Variants in WWC1 observed in about 807,000 individuals in gnomAD.
WWC1 encodes the protein protein KIBRA.
WWC1 carries 55 observed loss-of-function variants against 138.4 expected under a neutral mutation model. The ratio of observed to expected loss-of-function variants is 0.40; its 90% CI spans 0.32 to 0.50. The LOEUF (loss-of-function observed/expected upper bound fraction) is 0.50. WWC1 is among the 20% of genes least tolerant of loss of function. WWC1 has a pLI of 0.72. For missense variants in WWC1, 1,226 were observed against 1,420.4 expected, an observed-to-expected ratio of 0.86 and a Z score of 2.20; for synonymous variants, 524 against 564.9, an observed-to-expected ratio of 0.93 and a Z score of 1.03.
rs538374041 is a variant in WWC1 at position 168,347,925 on chromosome 5, C to A, written c.120-23499C>A. Among the ~76,000 whole-genome samples, 645 of 152,282 alleles carry A rather than the reference C, an allele frequency of 4.2e-3. 1 individual carries two copies. Among genetic ancestry groups the A allele is most frequent in the Admixed American group, 6.1e-3 (94 of 15,296 alleles). ...ATTGTGAAGAGCTGGGAAGGAGAAG[C>A]AGATGGGCTGTGGGCTTATCAAGCT... On this transcript the variant is annotated intron_variant, in intron 1 of 22. Coordinates refer to ENST00000265293, the MANE Select transcript of WWC1 (RefSeq NM_015238.3).
Position 168,291,753 on chromosome 5 carries a change from C to G in WWC1, c.-400C>G, listed in dbSNP as rs1429807284. ...GTGGAGCGGAGAGGAGGGACGGCAC[C>G]CGGCTGCAGGGAGGAGGGAGGCGGC... On this transcript the variant is annotated 5_prime_UTR_variant, in exon 1 of 23. Transcript: ENST00000265293. 6.5e-6 allele frequency: 1 copy of G among 153,118 alleles called. No homozygotes were observed. The highest frequency in any genetic ancestry group is 1.9e-4 in the East Asian group (1 of 5,220). 9.5% of individuals were successfully genotyped at this position (153,118 alleles called of 1,614,324 possible).
chr5:168,354,299 C>A (rs1225345404), intron 1 of WWC1, among the ~76,000 whole-genome samples: 2 of 152,160 alleles, frequency 1.3e-5, no homozygotes, highest in Non-Finnish European at 2.9e-5. Context: ...GATCCGCCCC[C>A]CTCGGCCTCC....
chr5:168,428,239 C>A, intron 12 of WWC1, 98 bp downstream of exon 12: 1 of 1,266,816 alleles, frequency 7.9e-7, no homozygotes, highest in East Asian at 2.6e-5. Flanking sequence ...TTTTGGCCCC[C>A]ACAGTGTGTG....
intron 1 of WWC1, among the ~76,000 whole-genome samples, chr5:168,318,970 T>C (rs1252921892): frequency 6.6e-6 from 1 of 152,230 alleles, no homozygotes; most frequent in Non-Finnish European, 1.5e-5. Context: ...TGTACGTACA[T>C]ATGTGAGATG....
Position 168,397,768 on chromosome 5 carries a change from C to A in WWC1, c.478C>A (p.Leu160Met). The A allele has an allele frequency of 6.2e-7, 1 of 1,614,022 alleles. No homozygotes were observed. The highest frequency in any genetic ancestry group is 8.5e-7 in the Non-Finnish European group (1 of 1,179,956). ...SSSSKYDPEI[L>M]KAEIATAKSR... is the part of the protein sequence containing the mutation. ...CAGCTCCAAGTATGACCCTGAGATC[C>A]TGAAAGCTGAAATTGCCACTGCAAA... The change falls in exon 4 of 23, where the codon CTG becomes ATG. Residue 160 changes from leucine to methionine, a missense_variant. Transcript: ENST00000265293.
chr5:168,414,887 T>G, intron 9 of WWC1: 1 of 332,726 alleles, frequency 3.0e-6, no homozygotes, highest in Non-Finnish European at 5.4e-6. Flanking sequence ...CTATATAACT[T>G]AAAGCAGTCA....
rs1582283489 is a variant in WWC1, at chr5:168,433,796, C to T, written c.2280+2352C>T. On this transcript the variant is annotated intron_variant, in intron 15 of 22. Coordinates refer to ENST00000265293, the MANE Select transcript of WWC1 (RefSeq NM_015238.3). ...CAAGTGATCCGCCTGTCTCCACCTC[C>T]CAAAGTTCTGGGATTACAGGTGTGA... Among the ~76,000 whole-genome samples, 4 of 152,326 alleles carry T rather than the reference C, an allele frequency of 2.6e-5. No individual in the cohort carries two copies. The South Asian group carries it at 8.3e-4, about 32-fold the overall frequency.
intron 9 of WWC1, among the ~76,000 whole-genome samples, chr5:168,418,608 A>C (rs1780843472): frequency 6.6e-6 from 1 of 152,116 alleles, no homozygotes; most frequent in Admixed American, 6.5e-5. Context: ...AGCAGTAGCT[A>C]GCCCCTAATG....
At chr5:168,426,053 C>T (rs1781478700) in intron 11 of WWC1, among the ~76,000 whole-genome samples, 1 of 152,172 alleles carries the variant, frequency 6.6e-6, no homozygotes, top group African/African-American at 2.4e-5. Flanking sequence ...AGTGGTGCTG[C>T]TGTGCCCAGA....
At chr5:168,358,354 C>T (rs1251151433) in intron 1 of WWC1, among the ~76,000 whole-genome samples, 1 of 152,198 alleles carries the variant, frequency 6.6e-6, no homozygotes, top group Non-Finnish European at 1.5e-5. Flanking sequence ...TGTCAGGGAA[C>T]CTGAGTGTCC....
Position 168,358,821 on chromosome 5 carries a change from C to T in WWC1, c.120-12603C>T, listed in dbSNP as rs77883674. On this transcript the variant is annotated intron_variant, in intron 1 of 22. Transcript: ENST00000265293. ...ATATGTACACATACATACATGTATA[C>T]GTACACATGTAGGAACTCCTCATCA... Among the ~76,000 whole-genome samples the T allele has an allele frequency of 7.9e-3, 1,204 of 151,760 alleles. 16 individuals are homozygous for T. The highest frequency in any genetic ancestry group is 0.027 in the African/African-American group (1,135 of 41,350).
At position 168,464,751 on chromosome 5, in the gene WWC1, G is replaced by A. The variant is rs758987247; in HGVS notation, c.2939G>A (p.Arg980His). ...MKRPSSVKSL[R>H]SERLIRTSLD... is the part of the protein sequence containing the mutation. ...CAGCCTTCCTCGGTCAAGTCGCTGCGCTCCGAGCGTCTGATCCGTACCTCG... is the reference window on the plus strand; with the variant it reads ...CAGCCTTCCTCGGTCAAGTCGCTGCACTCCGAGCGTCTGATCCGTACCTCG... The change falls in exon 21 of 23, where the codon CGC (arginine) becomes CAC (histidine). Residue 980 changes from arginine (R) to histidine (H), a missense_variant. Physicochemically the swap from Arg to His is conservative, Grantham distance 29. Around this residue, in one of 3 missense-constraint regions of WWC1, gnomAD observed 206 missense variants for 247.4 expected, o/e 0.83. Coordinates refer to ENST00000265293, the MANE Select transcript of WWC1 (RefSeq NM_015238.3). 34 of 1,614,008 alleles carry A rather than the reference G, an allele frequency of 2.1e-5. No individual in the cohort carries two copies. In the African/African-American group the frequency reaches 2.3e-4, roughly 11 times the overall value.
At chr5:168,371,395 T>C in intron 1 of WWC1, 29 bp from the exon 2 acceptor site, 4 of 1,562,676 alleles carry the variant, frequency 2.6e-6, no homozygotes, top group Non-Finnish European at 3.5e-6. Flanking sequence ...TGTAGGCTGA[T>C]GGAGTCTGTT....
At chr5:168,357,493 T>TGTGTGTGTGTGTGCGC (rs1353607261) in intron 1 of WWC1, among the ~76,000 whole-genome samples, 3 of 119,810 alleles carry the variant, frequency 2.5e-5, no homozygotes, top group African/African-American at 8.6e-5. Flanking sequence ...TGTGTGTGTG[T>TGTGTGTGTGTGTGCGC]GCGCGCGCGC....
chr5:168,469,121 C>T lies in WWC1; in HGVS notation c.*104C>T, dbSNP rs952927937. The T allele has an allele frequency of 1.8e-5, 24 of 1,367,444 alleles. No homozygotes were observed. The highest frequency in any genetic ancestry group is 3.7e-5 in the South Asian group (3 of 82,048). The allele number at this position is 1,367,444 out of a possible 1,614,324, so 84.7% of individuals were successfully genotyped here. A position where few individuals can be genotyped will look rare whatever the true frequency, so the allele number is the denominator to read the frequency against. ...ATATGAAGGTACTGAGTCACAAGTCCTCTAGTGCTCTTGTTGGTTTGAAGA... is the reference window on the plus strand; with the variant it reads ...ATATGAAGGTACTGAGTCACAAGTCTTCTAGTGCTCTTGTTGGTTTGAAGA... On this transcript the variant is annotated 3_prime_UTR_variant, in exon 23 of 23. Coordinates refer to ENST00000265293, the MANE Select transcript of WWC1 (RefSeq NM_015238.3).
intron 8 of WWC1, among the ~76,000 whole-genome samples, chr5:168,410,931 CT>C (rs1354123052): frequency 0.035 from 3,971 of 114,276 alleles, 25 homozygotes; most frequent in Middle Eastern, 0.071. Context: ...ATGATCTTTG[CT>C]TTTTTTTTTT....
intron 21 of WWC1, among the ~76,000 whole-genome samples, chr5:168,467,014 CACTTTGG>C (rs1757352889): frequency 6.6e-6 from 1 of 152,180 alleles, no homozygotes; most frequent in South Asian, 2.1e-4. Flanking sequence ...GTAATCCCAG[CACTTTGG>C]GAGGCCGAGG....
At chr5:168,458,433 G>A (rs115408814) in intron 19 of WWC1, among the ~76,000 whole-genome samples, 152 of 152,232 alleles carry the variant, frequency 1.0e-3, no homozygotes, top group Non-Finnish European at 1.9e-3. Flanking sequence ...CACAAAAGGC[G>A]TCCTCTGCTG....
In WWC1 at chr5:168,455,872, C is replaced by A. The variant is rs183550229; in HGVS notation, c.2823+352C>A. ...AGGCATTTCCTTCCCACCTTCAGGG[C>A]AATTCTAGTGTACAGCCTGAGGCTG... On this transcript the variant is annotated intron_variant, in intron 19 of 22. Coordinates refer to ENST00000265293, the MANE Select transcript of WWC1 (RefSeq NM_015238.3). Among the ~76,000 whole-genome samples, 3 of 152,272 alleles carry A rather than the reference C, an allele frequency of 2.0e-5. No individual in the cohort carries two copies. The East Asian group carries it at 5.8e-4, about 29-fold the overall frequency.
Sources: allele counts gnomAD v4.1 joint callset (sites outside exome capture counted in the v4.1 genomes callset), GRCh38; gene constraint gnomAD v4.1.1; regional missense constraint gnomAD v4.1.1; transcripts MANE v1.5; gene names NCBI Gene and HGNC (gene_info 2026-07-23, HGNC 2026-07-21).